Variants in RAP1GAP2 observed in about 807,000 individuals in gnomAD.
RAP1GAP2 encodes the protein RAP1 GTPase activating protein 2.
Under a neutral mutation model 95.0 loss-of-function variants are expected in RAP1GAP2, and 27 were observed. The observed-to-expected ratio is 0.28, with a 90% CI of 0.21 to 0.39. RAP1GAP2 has a LOEUF of 0.39. Ranked by LOEUF, RAP1GAP2 falls within the 10% of genes least tolerant of loss-of-function variation. The probability of loss-of-function intolerance (pLI) is 1.00; values close to 1 mark genes in which losing one functional copy is unlikely to be tolerated. For synonymous variants in RAP1GAP2, 373 were observed against 380.9 expected, an observed-to-expected ratio of 0.98 and a Z score of 0.24; for missense variants, 771 against 970.0, an observed-to-expected ratio of 0.79 and a Z score of 2.72.
At chr17:2,757,535 G>T (rs2071169808) in intron 1 of RAP1GAP2, among the ~76,000 whole-genome samples, 2 of 152,268 alleles carry the variant, frequency 1.3e-5, no homozygotes, top group African/African-American at 4.8e-5. Flanking sequence ...AAGTATGGGT[G>T]TGTGACCTAG....
intron 2 of RAP1GAP2, among the ~76,000 whole-genome samples, chr17:2,840,044 G>A (rs2071304289): frequency 6.6e-6 from 1 of 151,584 alleles, no homozygotes; most frequent in African/African-American, 2.4e-5. Context: ...GTTCGCACCC[G>A]GCAGAACCAT....
chr17:2,939,431 G>C (rs975494247), intron 3 of RAP1GAP2, among the ~76,000 whole-genome samples: 1 of 152,250 alleles, frequency 6.6e-6, no homozygotes, highest in African/African-American at 2.4e-5. Context: ...CTTAGGTGGT[G>C]TGAGGTGCGT....
At chr17:2,979,077 G>A (rs1018069375) in intron 8 of RAP1GAP2, among the ~76,000 whole-genome samples, 4 of 152,104 alleles carry the variant, frequency 2.6e-5, no homozygotes, top group South Asian at 2.1e-4. Context: ...ATCAAAAAAC[G>A]GCTCAACAGA....
chr17:3,007,469 G>A (rs1597858824), intron 16 of RAP1GAP2, among the ~76,000 whole-genome samples: 1 of 152,208 alleles, frequency 6.6e-6, no homozygotes, highest in Admixed American at 6.5e-5. Flanking sequence ...AAGACTTGGT[G>A]GACTCCTGGC....
At chr17:2,873,924 G>A (rs1369518465) in intron 2 of RAP1GAP2, among the ~76,000 whole-genome samples, 1 of 151,848 alleles carries the variant, frequency 6.6e-6, no homozygotes, top group Non-Finnish European at 1.5e-5. Context: ...CACCACGCCT[G>A]GCTAATTCTG....
At chr17:2,835,612 C>T (rs1050633479) in intron 2 of RAP1GAP2, among the ~76,000 whole-genome samples, 2 of 152,188 alleles carry the variant, frequency 1.3e-5, no homozygotes, top group Non-Finnish European at 2.9e-5. Context: ...GTACTTCCAG[C>T]TATTCAGGAG....
At chr17:2,761,835 A>G (rs2071255418) in intron 1 of RAP1GAP2, among the ~76,000 whole-genome samples, 1 of 152,134 alleles carries the variant, frequency 6.6e-6, no homozygotes, top group South Asian at 2.1e-4. Flanking sequence ...CCACATCCCC[A>G]TCAACACTTG....
At chr17:2,898,487 G>A (rs2041914538) in intron 2 of RAP1GAP2, among the ~76,000 whole-genome samples, 1 of 152,214 alleles carries the variant, frequency 6.6e-6, no homozygotes, top group South Asian at 2.1e-4. Flanking sequence ...GCACAGGCAT[G>A]AGGGTCATCA....
intron 2 of RAP1GAP2, among the ~76,000 whole-genome samples, chr17:2,882,165 T>A (rs2073329124): frequency 6.7e-6 from 1 of 148,734 alleles, no homozygotes; most frequent in African/African-American, 2.5e-5. Context: ...CTCACTCTTT[T>A]GCCCAGGCTA....
intron 3 of RAP1GAP2, among the ~76,000 whole-genome samples, chr17:2,919,548 G>A (rs1395283499): frequency 2.0e-5 from 3 of 152,130 alleles, no homozygotes; most frequent in African/African-American, 4.8e-5. Context: ...TGGGGAACAC[G>A]GGAAGTGGGG....
chr17:2,998,668 G>T (rs1453513059), intron 14 of RAP1GAP2, among the ~76,000 whole-genome samples: 2 of 151,942 alleles, frequency 1.3e-5, no homozygotes, highest in Admixed American at 6.6e-5. Context: ...TTGGAATTTG[G>T]TGATGCCATT....
At chr17:2,893,689 T>C (rs568016507) in intron 2 of RAP1GAP2, among the ~76,000 whole-genome samples, 2 of 152,310 alleles carry the variant, frequency 1.3e-5, no homozygotes, top group South Asian at 4.1e-4. Flanking sequence ...GCTGGCTGCC[T>C]CTGCTCTGAC....
intron 12 of RAP1GAP2, among the ~76,000 whole-genome samples, chr17:2,993,393 G>A (rs2045839813): frequency 6.6e-6 from 1 of 150,834 alleles, no homozygotes; most frequent in African/African-American, 2.4e-5. Context: ...CCAACATGGT[G>A]AAACCACGTC....
At chr17:2,956,757 T>TTTTTG (rs1443812256) in intron 3 of RAP1GAP2, among the ~76,000 whole-genome samples, 6 of 152,220 alleles carry the variant, frequency 3.9e-5, no homozygotes, top group Admixed American at 3.3e-4. Context: ...CCTTTTCTCC[T>TTTTTG]TTTTGTTTTT....
At chr17:2,781,467 T>A (rs928089434) in intron 1 of RAP1GAP2, among the ~76,000 whole-genome samples, 1 of 152,248 alleles carries the variant, frequency 6.6e-6, no homozygotes, top group African/African-American at 2.4e-5. Flanking sequence ...TGTCTGGACA[T>A]CTCTGGGTGG....
At chr17:2,821,730 G>A (rs532360106) in intron 2 of RAP1GAP2, among the ~76,000 whole-genome samples, 1 of 152,168 alleles carries the variant, frequency 6.6e-6, no homozygotes, top group African/African-American at 2.4e-5. Context: ...CAGCTCCTCG[G>A]TTGCACTAGC....
intron 1 of RAP1GAP2, among the ~76,000 whole-genome samples, chr17:2,756,346 C>G (rs1299213028): frequency 6.6e-6 from 1 of 152,240 alleles, no homozygotes; most frequent in Non-Finnish European, 1.5e-5. Flanking sequence ...GGCAGTCGCC[C>G]TTTCCCCCTC....
chr17:2,920,163 C>A (rs978191015), intron 3 of RAP1GAP2, among the ~76,000 whole-genome samples: 3 of 152,198 alleles, frequency 2.0e-5, no homozygotes, highest in Non-Finnish European at 4.4e-5. Flanking sequence ...CACCACCACG[C>A]CCTGCTAGGC....
At chr17:2,920,003 C>CTTT (rs1218062080) in intron 3 of RAP1GAP2, among the ~76,000 whole-genome samples, 2 of 133,984 alleles carry the variant, frequency 1.5e-5, no homozygotes, top group Non-Finnish European at 3.0e-5. Flanking sequence ...ATCTGGCCTC[C>CTTT]TTTTTTCTTT....
Sources: allele counts gnomAD v4.1 joint callset (sites outside exome capture counted in the v4.1 genomes callset), GRCh38; gene constraint gnomAD v4.1.1; transcripts MANE v1.5; gene names NCBI Gene and HGNC (gene_info 2026-07-23, HGNC 2026-07-21).